SGPP2: variants seen among roughly 807,000 people sequenced by gnomAD.
SGPP2 encodes the protein sphingosine 1-phosphate phosphohydrolase 2.
SGPP2 carries 30 observed loss-of-function variants against 33.9 expected under a neutral mutation model. The ratio of observed to expected loss-of-function variants is 0.89; its 90% CI spans 0.66 to 1.20. The LOEUF (loss-of-function observed/expected upper bound fraction) is 1.20. Among genes scored for constraint, SGPP2 ranks in the 50% most tolerant of loss-of-function variants. The pLI is 0.00. For missense variants in SGPP2, 458 were observed against 532.1 expected (o/e 0.86, Z 1.37); for synonymous variants, 233 against 225.0 (o/e 1.04, Z -0.32).
chr2:222,438,016 C>T (rs1235998152), intron 1 of SGPP2, among the ~76,000 whole-genome samples: 4 of 152,164 alleles, frequency 2.6e-5, no homozygotes, highest in Non-Finnish European at 5.9e-5. Context: ...TGTTGCAGAG[C>T]CTTCTTCTGT....
chr2:222,495,908 A>G (rs1327232972), intron 2 of SGPP2, among the ~76,000 whole-genome samples: 1 of 152,218 alleles, frequency 6.6e-6, no homozygotes, highest in Non-Finnish European at 1.5e-5. Flanking sequence ...ACGTCAGGGT[A>G]CACATGGTTT....
intron 1 of SGPP2, among the ~76,000 whole-genome samples, chr2:222,430,596 G>A (rs1697139386): frequency 6.6e-6 from 1 of 152,162 alleles, no homozygotes; most frequent in Admixed American, 6.5e-5. Flanking sequence ...TGGGATTGCA[G>A]GCATCAGCCA....
At chr2:222,491,422 A>G (rs1326986118) in intron 2 of SGPP2, among the ~76,000 whole-genome samples, 2 of 152,146 alleles carry the variant, frequency 1.3e-5, no homozygotes, top group Non-Finnish European at 2.9e-5. Flanking sequence ...ATGGCTGGGG[A>G]GGCAAAATTC....
At chr2:222,543,118 C>A (rs1459036871) in intron 4 of SGPP2, among the ~76,000 whole-genome samples, 1 of 152,140 alleles carries the variant, frequency 6.6e-6, no homozygotes, top group East Asian at 1.9e-4. Flanking sequence ...ATGGTTACAA[C>A]TTTTGTGTCT....
chr2:222,472,087 ACAC>A (rs1375776270), intron 1 of SGPP2, among the ~76,000 whole-genome samples: 2 of 152,198 alleles, frequency 1.3e-5, no homozygotes, highest in African/African-American at 4.8e-5. Flanking sequence ...AGCGTTTCTC[ACAC>A]CATCATTGTG....
At chr2:222,425,413 TG>T (rs1697050155) in intron 1 of SGPP2, among the ~76,000 whole-genome samples, 1 of 152,224 alleles carries the variant, frequency 6.6e-6, no homozygotes, top group Non-Finnish European at 1.5e-5. Context: ...CCCCAGAGTC[TG>T]GGGGTCCCTC....
chr2:222,510,805 G>A (rs1698515738), intron 2 of SGPP2, among the ~76,000 whole-genome samples: 1 of 152,134 alleles, frequency 6.6e-6, no homozygotes, highest in Non-Finnish European at 1.5e-5. Flanking sequence ...AAACAAAAGT[G>A]TAAAACAGTT....
chr2:222,439,389 A>G (rs767874732), intron 1 of SGPP2, among the ~76,000 whole-genome samples: 1 of 152,134 alleles, frequency 6.6e-6, no homozygotes, highest in Non-Finnish European at 1.5e-5. Flanking sequence ...AAAATTAGAC[A>G]AATGTGGCGG....
chr2:222,541,341 A>G (rs558215829), intron 4 of SGPP2, among the ~76,000 whole-genome samples: 10 of 152,338 alleles, frequency 6.6e-5, no homozygotes, highest in Admixed American at 6.5e-4. Flanking sequence ...TTGCAAGAGT[A>G]TCTCAAGACA....
intron 1 of SGPP2, among the ~76,000 whole-genome samples, chr2:222,435,033 T>TATATGTGTATATATACACATATAC (rs1697217548): frequency 2.6e-5 from 4 of 151,156 alleles, no homozygotes; most frequent in Admixed American, 6.6e-5. Context: ...TGTGTGTATA[T>TATATGTGTATATATACACATATAC]ATATGTGTAT....
intron 2 of SGPP2, among the ~76,000 whole-genome samples, chr2:222,509,727 T>G (rs998446564): frequency 6.6e-6 from 1 of 152,258 alleles, no homozygotes; most frequent in South Asian, 2.1e-4. Context: ...AGGACTTATC[T>G]TGATGTCTCA....
chr2:222,521,016 TCCCAAAGTG>T (rs1341495602), intron 2 of SGPP2, among the ~76,000 whole-genome samples: 2 of 152,216 alleles, frequency 1.3e-5, no homozygotes, highest in Non-Finnish European at 2.9e-5. Context: ...CGCCTTGGCC[TCCCAAAGTG>T]TTGGGATTAT....
At chr2:222,527,833 T>G (rs1234612821) in intron 4 of SGPP2, among the ~76,000 whole-genome samples, 1 of 152,178 alleles carries the variant, frequency 6.6e-6, no homozygotes, top group Non-Finnish European at 1.5e-5. Flanking sequence ...GTTTTAATAG[T>G]AGGATAAGGT....
At chr2:222,429,294 T>A (rs1285349480) in intron 1 of SGPP2, among the ~76,000 whole-genome samples, 1 of 152,132 alleles carries the variant, frequency 6.6e-6, no homozygotes, top group East Asian at 1.9e-4. Flanking sequence ...CCACCCTTAG[T>A]ATATTCAGTA....
chr2:222,452,827 G>C lies in SGPP2; in HGVS notation c.220-21741G>C, dbSNP rs542395873. 2.2e-4 allele frequency: 352 copies of C among 1,606,280 alleles called. 2 individuals are homozygous for C. In the East Asian group the frequency reaches 4.1e-3, roughly 19 times the overall value. ...GCCTGAGTCACACCATTGCTATTCT[G>C]CGGCCAGTTGTTTTTCTGCCACCTC... On this transcript the variant is annotated intron_variant, in intron 1 of 4. Coordinates refer to ENST00000321276, the MANE Select transcript of SGPP2 (RefSeq NM_152386.4).
In SGPP2 at chr2:222,560,970, T is replaced by C. The variant is rs1689526569; in HGVS notation, c.*2072T>C. On this transcript the variant is annotated 3_prime_UTR_variant, in exon 5 of 5. Transcript: ENST00000321276. Reference sequence around the variant, plus strand: ...ATACAAAAAAATTAGCCGGACGTGGTGGAGGGCGCCTGTAGTCCCAGCTAC... The same window carrying C: ...ATACAAAAAAATTAGCCGGACGTGGCGGAGGGCGCCTGTAGTCCCAGCTAC... The C allele has an allele frequency of 6.6e-6, 1 of 151,960 alleles. No individual in the cohort carries two copies. Among genetic ancestry groups the C allele is most frequent in the Non-Finnish European group, 1.5e-5 (1 of 68,052 alleles). The allele number at this position is 151,960 out of a possible 1,614,324, so 9.4% of individuals were successfully genotyped here.
At position 222,454,952 on chromosome 2, in the gene SGPP2, G is replaced by A. The variant is rs76081733; in HGVS notation, c.220-19616G>A. Reference sequence around the variant, plus strand: ...CAAGCATTTGTTGAATGCTTACTGCGTGGTGGGCAGAACAACAGCCATTGT... The same window carrying A: ...CAAGCATTTGTTGAATGCTTACTGCATGGTGGGCAGAACAACAGCCATTGT... On this transcript the variant is annotated intron_variant, in intron 1 of 4. Coordinates refer to ENST00000321276, the MANE Select transcript of SGPP2 (RefSeq NM_152386.4). Among the ~76,000 whole-genome samples the A allele has an allele frequency of 7.5e-3, 1,139 of 152,194 alleles. 11 individuals are homozygous for A. Among genetic ancestry groups the A allele is most frequent in the African/African-American group, 0.026 (1,083 of 41,518 alleles).
At chr2:222,438,725 C>A (rs897065549) in intron 1 of SGPP2, among the ~76,000 whole-genome samples, 2 of 152,244 alleles carry the variant, frequency 1.3e-5, no homozygotes, top group African/African-American at 2.4e-5. Context: ...TCTGCACAGG[C>A]CAAATGGGAA....
At chr2:222,429,110 G>A (rs372140328) in intron 1 of SGPP2, among the ~76,000 whole-genome samples, 3 of 152,060 alleles carry the variant, frequency 2.0e-5, no homozygotes, top group African/African-American at 4.8e-5. Flanking sequence ...TGGGATTACC[G>A]CACCCGGCCA....
Sources: allele counts gnomAD v4.1 joint callset (sites outside exome capture counted in the v4.1 genomes callset), GRCh38; gene constraint gnomAD v4.1.1; transcripts MANE v1.5; gene names NCBI Gene and HGNC (gene_info 2026-07-23, HGNC 2026-07-21).